UPF3B: variants seen among roughly 807,000 people sequenced by gnomAD.
UPF3B encodes regulator of nonsense transcripts 3B.
A neutral mutation model predicts 40.3 loss-of-function variants in UPF3B; 7 were observed. The observed-to-expected ratio is 0.17, with a 90% CI of 0.10 to 0.33. The LOEUF is 0.33. Ranked by LOEUF, UPF3B falls within the 10% of genes least tolerant of loss-of-function variation. UPF3B has a pLI of 1.00. For synonymous variants in UPF3B, 117 were observed against 117.3 expected, an observed-to-expected ratio of 1.00 and a Z score of 0.01; for missense variants, 229 against 358.9, an observed-to-expected ratio of 0.64 and a Z score of 2.93.
At chrX:119,830,407 ACTCACTCTCTTG>A (rs1247435204), downstream of UPF3B, among the ~76,000 whole-genome samples, 2 of 109,610 alleles carry the variant, frequency 1.8e-5, no homozygotes, top group African/African-American at 3.3e-5. Flanking sequence ...TCCTCCCCGC[ACTCACTCTCTTG>A]CTCACTCTGT....
At position 119,851,465 on chromosome X, in the gene UPF3B, T is replaced by G. The variant is rs1415073539; in HGVS notation, c.370+30A>C. The stretch of plus-strand genomic sequence containing the variant: ...TTAAACATACAAATGACAAAGAAAT[T>G]CCCTTTTTACTTCAGTTACCAGGAC... On this transcript the variant is annotated intron_variant, in intron 3 of 10. Coordinates refer to ENST00000276201, the MANE Select transcript of UPF3B (RefSeq NM_080632.3). The G allele has an allele frequency of 2.8e-6, 3 of 1,054,834 alleles. No individual in the cohort carries two copies. The Admixed American group carries it at 6.6e-5, about 23-fold the overall frequency. The allele number at this position is 1,054,834 out of a possible 1,213,427, so 86.9% of individuals were successfully genotyped here. A position where few individuals can be genotyped will look rare whatever the true frequency, so the allele number is the denominator to read the frequency against.
At chrX:119,848,281 C>CAAAAAAAAAAAAA (rs144679153) in intron 3 of UPF3B, among the ~76,000 whole-genome samples, 2 of 23,930 alleles carry the variant, frequency 8.4e-5, no homozygotes, top group African/African-American at 1.3e-4. Flanking sequence ...GACTCCATCT[C>CAAAAAAAAAAAAA]AAAAAAAAAA....
chrX:119,818,196 C>T (rs183786411), intron 4 of UPF3B, among the ~76,000 whole-genome samples: 2 of 111,040 alleles, frequency 1.8e-5, no homozygotes, highest in East Asian at 5.6e-4. Context: ...ACCCAGGAGG[C>T]GGAGGTTGTG....
At chrX:119,852,596 C>A (rs1255035336) in intron 1 of UPF3B, among the ~76,000 whole-genome samples, 177 bp downstream of exon 1, 2 of 112,697 alleles carry the variant, frequency 1.8e-5, no homozygotes, top group Non-Finnish European at 3.8e-5. Context: ...CAGGATTTGG[C>A]CGGGAGGGGC....
intron 10 of UPF3B, 88 bp from the exon 11 acceptor site, chrX:119,835,115 T>C (rs1187523397): frequency 5.6e-6 from 6 of 1,076,673 alleles, no homozygotes; most frequent in Non-Finnish European, 3.8e-6. Context: ...TGTATGAATA[T>C]ATGCTCAAGT....
At chrX:119,808,462 A>G (rs1237530180) in intron 5 of UPF3B, among the ~76,000 whole-genome samples, 3 of 97,363 alleles carry the variant, frequency 3.1e-5, no homozygotes, top group South Asian at 5.3e-4. Context: ...CCCTTCTGAC[A>G]TTGTGCATCA....
intron 3 of UPF3B, among the ~76,000 whole-genome samples, chrX:119,826,229 C>G (rs2055977393): frequency 9.0e-6 from 1 of 110,638 alleles, no homozygotes. Flanking sequence ...GCCTGTATTC[C>G]CAGCACTTTG....
chrX:119,816,705 A>G (rs1270639247), intron 4 of UPF3B, among the ~76,000 whole-genome samples: 1 of 111,377 alleles, frequency 9.0e-6, no homozygotes, highest in African/African-American at 3.3e-5. Context: ...CTTGGCTTCC[A>G]TTTTCACCTG....
chrX:119,806,473 TAAAGTA>T (rs1481502015), intron 6 of UPF3B, among the ~76,000 whole-genome samples: 2 of 109,529 alleles, frequency 1.8e-5, no homozygotes, highest in African/African-American at 3.3e-5. Context: ...CCCTAAAACT[TAAAGTA>T]TAATAAAAAA....
At chrX:119,849,503 A>AAG (rs76336209) in intron 3 of UPF3B, among the ~76,000 whole-genome samples, 45,737 of 101,089 alleles carry the variant, frequency 0.45, 8,932 homozygotes, top group East Asian at 0.76. Flanking sequence ...CAAAAAAAAA[A>AAG]AGAGAGAGAG....
Position 119,841,187 on chromosome X carries a change from C to T in UPF3B, c.696G>A (p.Glu232=), listed in dbSNP as rs775501896. ...TCTCTTCTTCTTTCCATTTCCTCCTCTCTTCTTCTCTTTGTCTTTTTCTTT... is the reference window on the plus strand; with the variant it reads ...TCTCTTCTTCTTTCCATTTCCTCCTTTCTTCTTCTCTTTGTCTTTTTCTTT... ...EIERKRQREE[E]RRKWKEEEKR... The change falls in exon 7 of 11, where the codon GAG becomes GAA. Residue 232 remains glutamate, a synonymous_variant. Coordinates refer to ENST00000276201, the MANE Select transcript of UPF3B (RefSeq NM_080632.3). The T allele has an allele frequency of 8.5e-7, 1 of 1,180,681 alleles. No homozygotes were observed. The highest frequency in any genetic ancestry group is 1.8e-5 in the South Asian group (1 of 55,978).
At chrX:119,836,760 C>T (rs2056098297) in intron 10 of UPF3B, among the ~76,000 whole-genome samples, 1 of 103,807 alleles carries the variant, frequency 9.6e-6, no homozygotes, top group African/African-American at 3.5e-5. Context: ...ACGCCATTTT[C>T]CTGCCTCAGC....
At chrX:119,827,617 G>A (rs191656325) in intron 3 of UPF3B, among the ~76,000 whole-genome samples, 6 of 111,740 alleles carry the variant, frequency 5.4e-5, no homozygotes, top group African/African-American at 9.7e-5. Context: ...GGATAGTCTC[G>A]GTCTTTTGAC....
intron 3 of UPF3B, among the ~76,000 whole-genome samples, chrX:119,827,329 AAAAT>A (rs1242897331): frequency 7.2e-5 from 8 of 111,800 alleles, no homozygotes; most frequent in African/African-American, 1.9e-4. Context: ...GCAAGAGACA[AAAAT>A]AAATAAATAT....
In UPF3B at chrX:119,841,032, G is replaced by A. The variant is rs751116828; in HGVS notation, c.807+44C>T. On this transcript the variant is annotated intron_variant, in intron 7 of 10. Transcript: ENST00000276201. Reference sequence around the variant, plus strand: ...CATGCATATTTAAAGAAGTAGATACGTGCAATTTTTAGCAACATGCAGTCA... The same window carrying A: ...CATGCATATTTAAAGAAGTAGATACATGCAATTTTTAGCAACATGCAGTCA... 8 of 1,185,601 alleles carry A rather than the reference G, an allele frequency of 6.7e-6. No individual in the cohort carries two copies. In the African/African-American group the frequency reaches 1.1e-4, roughly 16 times the overall value.
downstream of UPF3B, chrX:119,831,566 G>A (rs759935828): frequency 4.5e-5 from 16 of 352,586 alleles, no homozygotes; most frequent in South Asian, 4.1e-4. Context: ...CGATCTGCCC[G>A]CCTCAGCCTC....
chrX:119,852,711 G>C (rs1029006619), intron 1 of UPF3B, 62 bp downstream of exon 1: 4 of 1,202,673 alleles, frequency 3.3e-6, no homozygotes, highest in Non-Finnish European at 1.1e-6. Flanking sequence ...CCCATTCCCA[G>C]CCATCCTCCC....
At chrX:119,813,429 T>C (rs1309675851) in intron 5 of UPF3B, among the ~76,000 whole-genome samples, 3 of 111,270 alleles carry the variant, frequency 2.7e-5, no homozygotes. Flanking sequence ...TGATGTGAGA[T>C]GGCTGCTCCT....
downstream of UPF3B, among the ~76,000 whole-genome samples, chrX:119,830,553 C>A (rs5956156): frequency 4.7e-3 from 522 of 110,696 alleles, 2 homozygotes; most frequent in African/African-American, 0.016. Flanking sequence ...CCCAATTAAA[C>A]CTCTTTTCTT....
Sources: allele counts gnomAD v4.1 joint callset (sites outside exome capture counted in the v4.1 genomes callset), GRCh38; gene constraint gnomAD v4.1.1; transcripts MANE v1.5; gene names NCBI Gene and HGNC (gene_info 2026-07-23, HGNC 2026-07-21).